The following PIK3C2A variants were observed in gnomAD, a reference collection of about 807,000 sequenced individuals.
PIK3C2A encodes the protein phosphatidylinositol-4-phosphate 3-kinase catalytic subunit type 2 alpha.
Under a neutral mutation model 204.5 loss-of-function variants are expected in PIK3C2A, and 97 were observed. The observed-to-expected ratio is 0.47, with a 90% CI of 0.40 to 0.56. The LOEUF (loss-of-function observed/expected upper bound fraction) is 0.56, where lower values mean the gene tolerates loss of function less well. Ranked by LOEUF, PIK3C2A falls within the 20% of genes least tolerant of loss-of-function variation. The pLI is 0.00. For synonymous variants in PIK3C2A, 653 were observed against 664.4 expected (o/e 0.98, Z 0.26); for missense variants, 1,735 against 1,969.2 (o/e 0.88, Z 2.25).
intron 1 of PIK3C2A, among the ~76,000 whole-genome samples, chr11:17,181,693 C>CA (rs57524476): frequency 8.4e-6 from 1 of 119,652 alleles, no homozygotes; most frequent in Non-Finnish European, 1.9e-5. Context: ...CACACACACA[C>CA]AAACACACAC....
chr11:17,112,812 G>A (rs570316070), intron 20 of PIK3C2A, 146 bp from the exon 21 acceptor site: 5 of 400,532 alleles, frequency 1.2e-5, no homozygotes, highest in Admixed American at 9.0e-5. Context: ...TAGAGACAGC[G>A]TCTTGCTTTG....
chr11:17,146,023 G>A lies in PIK3C2A; in HGVS notation c.1561-81C>T, dbSNP rs866176889. On this transcript the variant is annotated intron_variant, in intron 6 of 32. Transcript: ENST00000691414. ...TCAAATTAAATATAGTTAAGTGTAT[G>A]ATAAAATCTTGCAACTAAAGTGTTT... 6 of 966,534 alleles carry A rather than the reference G, an allele frequency of 6.2e-6. No individual in the cohort carries two copies. In the South Asian group the frequency reaches 8.1e-5, roughly 13 times the overall value. The allele number at this position is 966,534 out of a possible 1,614,324, so 59.9% of individuals were successfully genotyped here.
At chr11:17,189,216 T>C (rs1851858159) in intron 1 of PIK3C2A, among the ~76,000 whole-genome samples, 1 of 147,152 alleles carries the variant, frequency 6.8e-6, no homozygotes, top group Non-Finnish European at 1.5e-5. Context: ...ACTTATAAAT[T>C]AGACTTACTC....
chr11:17,129,839 A>C (rs1020534263), intron 12 of PIK3C2A, among the ~76,000 whole-genome samples: 13 of 152,180 alleles, frequency 8.5e-5, no homozygotes, highest in African/African-American at 3.1e-4. Flanking sequence ...TGATCCACTC[A>C]GCCTCCCAAA....
At chr11:17,163,408 T>G (rs1261658776) in intron 2 of PIK3C2A, among the ~76,000 whole-genome samples, 1 of 152,206 alleles carries the variant, frequency 6.6e-6, no homozygotes, top group Non-Finnish European at 1.5e-5. Flanking sequence ...CAGTTATTCC[T>G]TTGTTTTTTA....
intron 1 of PIK3C2A, among the ~76,000 whole-genome samples, chr11:17,206,224 G>A (rs951229108): frequency 6.6e-6 from 1 of 152,120 alleles, no homozygotes; most frequent in African/African-American, 2.4e-5. Context: ...ACTTTGATAA[G>A]AAAAAACCTA....
At chr11:17,198,977 C>G in intron 1 of PIK3C2A, among the ~76,000 whole-genome samples, 1 of 151,864 alleles carries the variant, frequency 6.6e-6, no homozygotes, top group Non-Finnish European at 1.5e-5. Flanking sequence ...AAATTAGCCA[C>G]GCGTGCTGAC....
intron 1 of PIK3C2A, among the ~76,000 whole-genome samples, chr11:17,195,149 T>C (rs928169853): frequency 6.6e-6 from 1 of 152,120 alleles, no homozygotes; most frequent in Non-Finnish European, 1.5e-5. Context: ...GTGTGGTGGC[T>C]CATACTCATA....
chr11:17,095,426 A>T (rs1848424920), intron 27 of PIK3C2A, among the ~76,000 whole-genome samples: 1 of 149,670 alleles, frequency 6.7e-6, no homozygotes, highest in Non-Finnish European at 1.5e-5. Context: ...AAAAAAAAAA[A>T]AAAAAATACA....
chr11:17,193,405 G>T, intron 1 of PIK3C2A: 1 of 263,620 alleles, frequency 3.8e-6, no homozygotes, highest in Non-Finnish European at 7.5e-6. Context: ...AAATCTAAAG[G>T]TATTAACAGA....
In PIK3C2A at chr11:17,092,214, AT is replaced by A; in HGVS notation, c.4513del (p.Ile1505LeufsTer3). On this transcript the variant is annotated frameshift_variant, in exon 29 of 33. Transcript: ENST00000691414. LOFTEE classifies it high-confidence loss of function. The part of the protein sequence containing the change: ...HIKDVAAKRK[I>X]ELNSYLQSLM... ...ACTCTGTAAGTAACTGTTTAACTCA[AT>A]TTTCCTTTTGGCTGCTACATCTTTT... 1 of 1,609,484 alleles carries A rather than the reference AT, an allele frequency of 6.2e-7. No homozygotes were observed. Among genetic ancestry groups the A allele is most frequent in the Non-Finnish European group, 8.5e-7 (1 of 1,175,800 alleles).
chr11:17,119,362 G>T, intron 16 of PIK3C2A, 49 bp from the exon 17 acceptor site: 1 of 1,090,208 alleles, frequency 9.2e-7, no homozygotes, highest in South Asian at 1.3e-5. Context: ...TCTTTCCAGT[G>T]AAGCTGTATT....
At chr11:17,102,489 T>A (rs1565241467) in intron 24 of PIK3C2A, among the ~76,000 whole-genome samples, 173 bp downstream of exon 24, 1 of 152,236 alleles carries the variant, frequency 6.6e-6, no homozygotes, top group East Asian at 1.9e-4. Flanking sequence ...ACAAAGTTTA[T>A]ACACATTTAC....
chr11:17,138,051 A>C, intron 8 of PIK3C2A: 1 of 654,300 alleles, frequency 1.5e-6, no homozygotes, highest in Non-Finnish European at 2.8e-6. Context: ...TAAGGAAAGC[A>C]TGCTTGATCC....
At chr11:17,110,341 G>C in intron 22 of PIK3C2A, 91 bp downstream of exon 22, 1 of 828,654 alleles carries the variant, frequency 1.2e-6, no homozygotes, top group East Asian at 2.6e-5. Context: ...TGTGATACCA[G>C]GGTATCTGCA....
Position 17,134,852 on chromosome 11 carries a change from GCAAAAATAGTAA to G in PIK3C2A, c.2063_2074del (p.Phe688_Ala692delinsSer), listed in dbSNP as rs1472331171. On this transcript the variant is annotated inframe_deletion, in exon 11 of 33. Coordinates refer to ENST00000691414, the MANE Select transcript of PIK3C2A (RefSeq NM_002645.4). Reference sequence around the variant, plus strand: ...CCAATTACTTGAAATTCCATGAGCAGCAAAAATAGTAAACTGGAGCTGCTCTGTTGTAGTCCA... The same window carrying G: ...CCAATTACTTGAAATTCCATGAGCAGACTGGAGCTGCTCTGTTGTAGTCCA... 6.2e-7 allele frequency: 1 copy of G among 1,613,834 alleles called. No homozygotes were observed. The highest frequency in any genetic ancestry group is 8.5e-7 in the Non-Finnish European group (1 of 1,179,902).
At chr11:17,153,501 A>C (rs539868384) in intron 3 of PIK3C2A, among the ~76,000 whole-genome samples, 8 of 152,214 alleles carry the variant, frequency 5.3e-5, no homozygotes, top group Non-Finnish European at 1.2e-4. Flanking sequence ...TTTGTCAATT[A>C]TGATAGGTGT....
At chr11:17,141,965 G>A (rs1850077958) in intron 8 of PIK3C2A, among the ~76,000 whole-genome samples, 3 of 152,154 alleles carry the variant, frequency 2.0e-5, no homozygotes, top group Admixed American at 6.5e-5. Context: ...AGACAAAGTT[G>A]CCATTTATTA....
In PIK3C2A at chr11:17,168,833, A is replaced by G. The variant is rs1382503320; in HGVS notation, c.909T>C (p.Pro303=). 1.2e-6 allele frequency: 2 copies of G among 1,613,980 alleles called. No individual in the cohort carries two copies. The highest frequency in any genetic ancestry group is 1.7e-6 in the Non-Finnish European group (2 of 1,180,014). ...KNVSSLLAKD[P]WDAVLLEERS... ...TCTCTTCAAGAAGAACAGCATCCCA[A>G]GGATCCTTTGCTAGCAAACTTGAAA... The change falls in exon 2 of 33, where the codon CCT becomes CCC. Residue 303 remains proline (P), a synonymous_variant. Coordinates refer to ENST00000691414, the MANE Select transcript of PIK3C2A (RefSeq NM_002645.4).
Sources: gnomAD v4.1 joint callset for allele counts (sites outside exome capture counted in the v4.1 genomes callset) on GRCh38, gnomAD v4.1.1 for gene constraint, MANE v1.5 for transcripts, NCBI Gene and HGNC (gene_info 2026-07-23, HGNC 2026-07-21) for gene names.